Variants in CTSK observed in about 807,000 individuals in gnomAD.
CTSK encodes cathepsin O.
CTSK carries 26 observed loss-of-function variants against 40.5 expected under a neutral mutation model. That is an observed-to-expected ratio of 0.64 (90% confidence interval 0.47 to 0.89). The LOEUF is 0.89. CTSK is among the 40% of genes least tolerant of loss of function. CTSK has a pLI of 0.00. For synonymous variants in CTSK, 132 were observed against 143.2 expected (o/e 0.92, Z 0.56); for missense variants, 292 against 400.1 (o/e 0.73, Z 2.30).
At chr1:150,803,902 A>G in intron 5 of CTSK, 119 bp downstream of exon 5, 1 of 943,364 alleles carries the variant, frequency 1.1e-6, no homozygotes, top group Non-Finnish European at 1.7e-6. Context: ...AAATTATTCC[A>G]TCAAGAAAGC....
chr1:150,800,201 A>AAAAAAAAAAAG, intron 5 of CTSK, among the ~76,000 whole-genome samples: 1 of 151,590 alleles, frequency 6.6e-6, no homozygotes, highest in Non-Finnish European at 1.5e-5. Flanking sequence ...TCTCAAAAAA[A>AAAAAAAAAAAG]AAAAAAATCA....
In CTSK at chr1:150,805,369, G is replaced by A. The variant is rs182510559; in HGVS notation, c.399+492C>T. 1.1e-4 allele frequency among the ~76,000 whole-genome samples: 16 copies of A among 151,762 alleles called. No homozygotes were observed. The East Asian group carries it at 2.1e-3, about 20-fold the overall frequency. ...ATTTGTAATAAAGAAAAACCAGGCCGCGATGGCTCATGACTCTAATCCCAG... is the reference window on the plus strand; with the variant it reads ...ATTTGTAATAAAGAAAAACCAGGCCACGATGGCTCATGACTCTAATCCCAG... On this transcript the variant is annotated intron_variant, in intron 4 of 7. Transcript: ENST00000271651.
At chr1:150,802,012 T>C (rs1653999581) in intron 5 of CTSK, among the ~76,000 whole-genome samples, 1 of 151,630 alleles carries the variant, frequency 6.6e-6, no homozygotes, top group Admixed American at 6.6e-5. Flanking sequence ...GCATGGTGGC[T>C]CACACCTGTA....
At chr1:150,802,278 C>CAA (rs1159354552) in intron 5 of CTSK, among the ~76,000 whole-genome samples, 8 of 65,132 alleles carry the variant, frequency 1.2e-4, no homozygotes, top group Admixed American at 1.8e-4. Flanking sequence ...AACTCCATTT[C>CAA]AAAAAAAAAA....
In CTSK at chr1:150,798,181, C is replaced by T. The variant is rs113200929; in HGVS notation, c.890+987G>A. Among the ~76,000 whole-genome samples the T allele has an allele frequency of 9.9e-3, 1,504 of 152,254 alleles. 18 individuals carry two copies. The highest frequency in any genetic ancestry group is 0.034 in the African/African-American group (1,408 of 41,528). ...CCCTGGAGTTTTCTTTGTTCCCCAA[C>T]ATAGGAAAGTAAACACTAACTTTTT... On this transcript the variant is annotated intron_variant, in intron 7 of 7. Coordinates refer to ENST00000271651, the MANE Select transcript of CTSK (RefSeq NM_000396.4).
At chr1:150,806,930 G>A in intron 1 of CTSK, 124 bp from the exon 2 acceptor site, 1 of 1,184,602 alleles carries the variant, frequency 8.4e-7, no homozygotes, top group Non-Finnish European at 1.2e-6. Flanking sequence ...GTCAGGAGGG[G>A]CCTGTGTTTA....
intron 5 of CTSK, among the ~76,000 whole-genome samples, 171 bp downstream of exon 5, chr1:150,803,849 TA>T (rs1218339613): frequency 6.6e-6 from 1 of 152,188 alleles, no homozygotes; most frequent in East Asian, 1.9e-4. Context: ...TTAAGCTCCC[TA>T]AATTCCCCCA....
In CTSK at chr1:150,799,613, C is replaced by T. The variant is rs776977098; in HGVS notation, c.715G>A (p.Val239Met). The T allele has an allele frequency of 1.9e-6, 3 of 1,614,100 alleles. No homozygotes were observed. In the African/African-American group the frequency reaches 4.0e-5, roughly 22 times the overall value. The stretch of plus-strand genomic sequence containing the variant: ...ACAGAGACAGGTCCCACTCGGGCCA[C>T]TGCCCTCTTCAGGGCTTTCTCATTC... Reference protein sequence around the residue: ...EGNEKALKRAVARVGPVSVAI... With the variant: ...EGNEKALKRAMARVGPVSVAI... The change falls in exon 6 of 8, where the codon GTG becomes ATG. Residue 239 changes from valine (V) to methionine (M), a missense_variant. Transcript: ENST00000271651.
intron 5 of CTSK, among the ~76,000 whole-genome samples, chr1:150,801,311 G>A (rs1374743182): frequency 6.6e-6 from 1 of 151,832 alleles, no homozygotes; most frequent in South Asian, 2.1e-4. Flanking sequence ...TAGAGATGGG[G>A]TTTCACCATG....
In CTSK at chr1:150,796,463, G is replaced by A. The variant is rs1653878773; in HGVS notation, c.*336C>T. ...CTTAAAGCTAACTAGTCCCGTGAAT[G>A]AGAATCTAACCTATGTGAAAATCTC... On this transcript the variant is annotated 3_prime_UTR_variant, in exon 8 of 8. Transcript: ENST00000271651. 2.3e-6 allele frequency: 1 copy of A among 432,920 alleles called. No homozygotes were observed. Among genetic ancestry groups the A allele is most frequent in the Non-Finnish European group, 4.3e-6 (1 of 234,264 alleles). The allele number at this position is 432,920 out of a possible 1,614,324, so 26.8% of individuals were successfully genotyped here.
intron 5 of CTSK, 111 bp downstream of exon 5, chr1:150,803,910 A>G: frequency 1.0e-6 from 1 of 983,176 alleles, no homozygotes; most frequent in Non-Finnish European, 1.6e-6. Context: ...CCATCAAGAA[A>G]GCAGGATAGG....
In CTSK at chr1:150,796,393, G is replaced by A; in HGVS notation, c.*406C>T. The A allele has an allele frequency of 4.1e-6, 1 of 245,906 alleles. No individual in the cohort carries two copies. The highest frequency in any genetic ancestry group is 6.4e-5 in the South Asian group (1 of 15,676). 15.2% of individuals were successfully genotyped at this position (245,906 alleles called of 1,614,324 possible). A position where few individuals can be genotyped will look rare whatever the true frequency, so the allele number is the denominator to read the frequency against. On this transcript the variant is annotated 3_prime_UTR_variant, in exon 8 of 8. Transcript: ENST00000271651. ...ATTTCTACCTTGAGGATATAGAAGG[G>A]AACTTAGGAAGTGAGAAGTCAGATT...
chr1:150,798,769 G>C (rs751887289), intron 7 of CTSK, among the ~76,000 whole-genome samples: 35 of 152,132 alleles, frequency 2.3e-4, no homozygotes, highest in Non-Finnish European at 4.4e-4. Flanking sequence ...GCAAGAGCTG[G>C]TTCTTTAAAG....
chr1:150,798,519 T>C (rs1164947353), intron 7 of CTSK, among the ~76,000 whole-genome samples: 2 of 152,170 alleles, frequency 1.3e-5, no homozygotes, highest in African/African-American at 4.8e-5. Flanking sequence ...TGCTCGTTGG[T>C]TTATGTATGT....
chr1:150,806,626 T>TA, intron 2 of CTSK, 60 bp downstream of exon 2: 1 of 1,610,650 alleles, frequency 6.2e-7, no homozygotes, highest in Non-Finnish European at 8.5e-7. Context: ...GTCTGGAAGC[T>TA]AAGATGAGAG....
In CTSK at chr1:150,805,877, G is replaced by A. The variant is rs2101953152; in HGVS notation, c.383C>T (p.Thr128Ile). The A allele has an allele frequency of 6.2e-7, 1 of 1,614,110 alleles. No homozygotes were observed. Among genetic ancestry groups the A allele is most frequent in the Non-Finnish European group, 8.5e-7 (1 of 1,180,020 alleles). Residue 128 changes from threonine (T) to isoleucine (I), a missense_variant, in exon 4 of 8, where the codon ACT (threonine) becomes ATT (isoleucine). Physicochemically the swap from Thr to Ile is moderately conservative, Grantham distance 89 (BLOSUM62 -1). Transcript: ENST00000271651. Reference sequence around the variant, plus strand: ...GGAGAGTACCTGATTTTTGACAGGAGTAACATATCCTTTCTTTCGATAGTC... The same window carrying A: ...GGAGAGTACCTGATTTTTGACAGGAATAACATATCCTTTCTTTCGATAGTC... ...SVDYRKKGYV[T>I]PVKNQGQCGS... is the part of the protein sequence containing the mutation.
intron 7 of CTSK, among the ~76,000 whole-genome samples, chr1:150,797,398 G>A (rs1653896777): frequency 6.6e-6 from 1 of 152,230 alleles, no homozygotes; most frequent in South Asian, 2.1e-4. Context: ...GGGATTTTGA[G>A]TGGGAGAGTG....
In CTSK at chr1:150,800,584, C is replaced by T. The variant is rs77274369; in HGVS notation, c.619-875G>A. 6.5e-3 allele frequency: 1,330 copies of T among 204,414 alleles called. 14 individuals are homozygous for T. The highest frequency in any genetic ancestry group is 0.029 in the African/African-American group (1,244 of 43,010). The allele number at this position is 204,414 out of a possible 1,614,324, so 12.7% of individuals were successfully genotyped here. On this transcript the variant is annotated intron_variant, in intron 5 of 7. Transcript: ENST00000271651. ...CATTGGCAAGCCACAATTATGGAAT[C>T]GAATAATAGCCCATGTTAAGGTGGT... is the stretch of plus-strand genomic sequence containing the variant.
At chr1:150,807,294 T>A (rs1281545595) in intron 1 of CTSK, 1 of 471,738 alleles carries the variant, frequency 2.1e-6, no homozygotes, top group Non-Finnish European at 4.4e-6. Context: ...GATCATTTCT[T>A]CGAGGCGTTC....
Sources: gnomAD v4.1 joint callset for allele counts (sites outside exome capture counted in the v4.1 genomes callset) on GRCh38, gnomAD v4.1.1 for gene constraint, MANE v1.5 for transcripts, NCBI Gene and HGNC (gene_info 2026-07-23, HGNC 2026-07-21) for gene names.